VSIG10: variants seen among roughly 807,000 people sequenced by gnomAD.
The protein encoded by VSIG10 is V-set and immunoglobulin domain-containing protein 10.
A neutral mutation model predicts 58.7 loss-of-function variants in VSIG10; 48 were observed. That is an observed-to-expected ratio of 0.82 (90% CI 0.65 to 1.04). VSIG10 has a LOEUF of 1.04. Among genes scored for constraint, VSIG10 ranks in the 50% least tolerant of loss-of-function variants. VSIG10 has a pLI of 0.00. For missense variants in VSIG10, 628 were observed against 670.0 expected (o/e 0.94, Z 0.69); for synonymous variants, 260 against 267.1 (o/e 0.97, Z 0.26).
intron 1 of VSIG10, among the ~76,000 whole-genome samples, chr12:118,099,485 C>T (rs2033567578): frequency 6.6e-6 from 1 of 152,022 alleles, no homozygotes; most frequent in African/African-American, 2.4e-5. Flanking sequence ...TGCTAACGGG[C>T]ATTAGACTGT....
At chr12:118,083,516 T>C (rs1390329288) in intron 2 of VSIG10, among the ~76,000 whole-genome samples, 1 of 151,988 alleles carries the variant, frequency 6.6e-6, no homozygotes, top group African/African-American at 2.4e-5. Flanking sequence ...AGGAAGAGGT[T>C]TGCAGTGAGC....
At chr12:118,096,711 G>A (rs926117710) in intron 1 of VSIG10, among the ~76,000 whole-genome samples, 4 of 145,682 alleles carry the variant, frequency 2.7e-5, no homozygotes, top group African/African-American at 1.0e-4. Flanking sequence ...ATGAGCCACC[G>A]TGCCTGACCA....
Position 118,079,460 on chromosome 12 carries a change from T to G in VSIG10, c.811A>C (p.Lys271Gln). ...TCGCTCAGCATTTCCACCCCCAGCT[T>G]TGACTTCCCCACGATTACACCTCCT... ...EPGGVIVGKSKLGVEMLSESQ... is the reference protein window; with the variant it reads ...EPGGVIVGKSQLGVEMLSESQ... Residue 271 changes from lysine to glutamine, a missense_variant, in exon 4 of 9, where the codon AAG becomes CAG. Coordinates refer to ENST00000359236, the MANE Select transcript of VSIG10 (RefSeq NM_019086.6). 1.2e-6 allele frequency: 2 copies of G among 1,613,988 alleles called. No individual in the cohort carries two copies. Among genetic ancestry groups the G allele is most frequent in the Non-Finnish European group, 1.7e-6 (2 of 1,179,890 alleles).
chr12:118,065,406 C>T lies in VSIG10; in HGVS notation c.*1233G>A, dbSNP rs943381173. 6.6e-6 allele frequency: 1 copy of T among 152,246 alleles called. No individual in the cohort carries two copies. Among genetic ancestry groups the T allele is most frequent in the Non-Finnish European group, 1.5e-5 (1 of 68,048 alleles). 9.4% of individuals were successfully genotyped at this position (152,246 alleles called of 1,614,324 possible). A position where few individuals can be genotyped will look rare whatever the true frequency, so the allele number is the denominator to read the frequency against. On this transcript the variant is annotated 3_prime_UTR_variant, in exon 9 of 9. Transcript: ENST00000359236. ...TGCAAAATGTAGTTATAATGAAAGG[C>T]ACTTCCTATTACCAGCTCCCTAACT... is the stretch of plus-strand genomic sequence containing the variant.
At chr12:118,071,740 T>C (rs181034125) in intron 5 of VSIG10, among the ~76,000 whole-genome samples, 72 of 152,300 alleles carry the variant, frequency 4.7e-4, no homozygotes, top group African/African-American at 1.7e-3. Flanking sequence ...CCATGGTAAG[T>C]AAGAGTGTTG....
intron 8 of VSIG10, among the ~76,000 whole-genome samples, chr12:118,066,976 G>T (rs886323029): frequency 6.6e-6 from 1 of 151,938 alleles, no homozygotes; most frequent in African/African-American, 2.4e-5. Flanking sequence ...CAACTCAGCC[G>T]TCTTAACGCC....
At chr12:118,081,591 T>C (rs1237222087) in intron 3 of VSIG10, among the ~76,000 whole-genome samples, 1 of 152,138 alleles carries the variant, frequency 6.6e-6, no homozygotes, top group Non-Finnish European at 1.5e-5. Context: ...CCAAGCACTC[T>C]CCTGCACCCC....
At position 118,082,379 on chromosome 12, in the gene VSIG10, T is replaced by C. The variant is rs768517997; in HGVS notation, c.412A>G (p.Asn138Asp). ...CCCCTGGCTGCGTAGAGGGTGCCGT[T>C]GGGGAGTGTGCCGGTGGCCACGATG... Reference protein sequence around the residue: ...VHIVATGTLPNGTLYAARGSQ... With the variant: ...VHIVATGTLPDGTLYAARGSQ... Residue 138 changes from asparagine (N) to aspartate (D), a missense_variant, in exon 3 of 9, where the codon AAC (asparagine) becomes GAC (aspartate). By Grantham distance (23) the Asn-to-Asp change is conservative. Coordinates refer to ENST00000359236, the MANE Select transcript of VSIG10 (RefSeq NM_019086.6). The C allele has an allele frequency of 2.5e-6, 4 of 1,613,464 alleles. No individual in the cohort carries two copies. The highest frequency in any genetic ancestry group is 3.4e-6 in the Non-Finnish European group (4 of 1,179,706).
intron 2 of VSIG10, among the ~76,000 whole-genome samples, chr12:118,086,885 T>C (rs1305400795): frequency 6.6e-6 from 1 of 152,124 alleles, no homozygotes; most frequent in African/African-American, 2.4e-5. Context: ...ATCAGCCTCC[T>C]GAGTAGCTGA....
At chr12:118,077,621 CAG>C (rs1331232271) in intron 4 of VSIG10, among the ~76,000 whole-genome samples, 1 of 152,134 alleles carries the variant, frequency 6.6e-6, no homozygotes, top group African/African-American at 2.4e-5. Context: ...TTCTAAGACA[CAG>C]AGTGTGGCAG....
At chr12:118,067,568 A>G (rs1041883789) in intron 8 of VSIG10, among the ~76,000 whole-genome samples, 5 of 148,622 alleles carry the variant, frequency 3.4e-5, no homozygotes, top group Non-Finnish European at 5.9e-5. Flanking sequence ...GGTTCAAGTG[A>G]TTCTCCTGCC....
At position 118,095,712 on chromosome 12, in the gene VSIG10, G is replaced by GA; in HGVS notation, c.181dup (p.Ser61PhefsTer12). 1 of 1,613,854 alleles carries GA rather than the reference G, an allele frequency of 6.2e-7. No homozygotes were observed. Among genetic ancestry groups the GA allele is most frequent in the East Asian group, 2.2e-5 (1 of 44,868 alleles). On this transcript the variant is annotated frameshift_variant, in exon 2 of 9. Transcript: ENST00000359236. LOFTEE classifies it high-confidence loss of function. Reference sequence around the variant, plus strand: ...GGACGAGAGAAGGAAGACAGGCTCCGAGTTGTTCCGGTACCAGGTCACCTG... The same window carrying GA: ...GGACGAGAGAAGGAAGACAGGCTCCGAAGTTGTTCCGGTACCAGGTCACCTG...
At chr12:118,069,058 C>G (rs2032372089) in intron 7 of VSIG10, among the ~76,000 whole-genome samples, 1 of 152,142 alleles carries the variant, frequency 6.6e-6, no homozygotes, top group Non-Finnish European at 1.5e-5. Flanking sequence ...CTTGCCTACC[C>G]AGCCAGACTT....
Position 118,082,171 on chromosome 12 carries a change from A to G in VSIG10, c.620T>C (p.Leu207Pro). The change falls in exon 3 of 9, where the codon CTC becomes CCC. Residue 207 changes from leucine to proline, a missense_variant. Physicochemically the swap from Leu to Pro is moderately conservative, Grantham distance 98 (BLOSUM62 -3). Coordinates refer to ENST00000359236, the MANE Select transcript of VSIG10 (RefSeq NM_019086.6). ...GGTCACCTTTCGATGTCTCTTGCTG[A>G]GCTGATTCAAGGCTAAACAGGTGTA... is the stretch of plus-strand genomic sequence containing the variant. ...GNYTCLALNQ[L>P]SKRHRKVTTE... 1 of 1,613,998 alleles carries G rather than the reference A, an allele frequency of 6.2e-7. No individual in the cohort carries two copies. The highest frequency in any genetic ancestry group is 8.5e-7 in the Non-Finnish European group (1 of 1,179,888).
Position 118,103,658 on chromosome 12 carries a change from C to A in VSIG10, c.14G>T (p.Gly5Val). MAAG[G>V]SAPEPRVLVC... Reference sequence around the variant, plus strand: ...GAGGACGCGGGGCTCGGGCGCACTGCCGCCTGCGGCCATCTCGCCCCAGAT... The same window carrying A: ...GAGGACGCGGGGCTCGGGCGCACTGACGCCTGCGGCCATCTCGCCCCAGAT... The change falls in exon 1 of 9, where the codon GGC becomes GTC. Residue 5 changes from glycine (G) to valine (V), a missense_variant. Gly to Val is a moderately radical substitution (Grantham distance 109, BLOSUM62 -3). Transcript: ENST00000359236. The A allele has an allele frequency of 6.7e-7, 1 of 1,497,588 alleles. No individual in the cohort carries two copies. Among genetic ancestry groups the A allele is most frequent in the Non-Finnish European group, 8.9e-7 (1 of 1,128,886 alleles). The allele number at this position is 1,497,588 out of a possible 1,614,324, so 92.8% of individuals were successfully genotyped here. A position where few individuals can be genotyped will look rare whatever the true frequency, so the allele number is the denominator to read the frequency against.
intron 5 of VSIG10, among the ~76,000 whole-genome samples, chr12:118,072,629 G>A (rs562239247): frequency 6.6e-6 from 1 of 152,206 alleles, no homozygotes; most frequent in Admixed American, 6.6e-5. Flanking sequence ...AGGCTGAGAT[G>A]GGAGGCTCAC....
chr12:118,098,687 G>A (rs1189754444), intron 1 of VSIG10, among the ~76,000 whole-genome samples: 3 of 152,100 alleles, frequency 2.0e-5, no homozygotes, highest in Non-Finnish European at 4.4e-5. Flanking sequence ...AAGCCAAACT[G>A]AGATCTGATG....
chr12:118,093,402 G>A (rs2033355980), intron 2 of VSIG10, among the ~76,000 whole-genome samples: 1 of 151,596 alleles, frequency 6.6e-6, no homozygotes, highest in Non-Finnish European at 1.5e-5. Flanking sequence ...TAAATATGGG[G>A]TCTCACTATG....
At chr12:118,071,707 A>G (rs2032501240) in intron 5 of VSIG10, among the ~76,000 whole-genome samples, 2 of 152,244 alleles carry the variant, frequency 1.3e-5, no homozygotes, top group African/African-American at 4.8e-5. Flanking sequence ...TCTGTCTACC[A>G]AACACTGAGA....
Sources: gnomAD v4.1 joint callset for allele counts (sites outside exome capture counted in the v4.1 genomes callset) on GRCh38, gnomAD v4.1.1 for gene constraint, MANE v1.5 for transcripts, NCBI Gene and HGNC (gene_info 2026-07-23, HGNC 2026-07-21) for gene names.